BLTP2: variants seen among roughly 807,000 people sequenced by gnomAD.
BLTP2 encodes U937-associated antigen.
the BLTP2 span, chr17:28,620,471 G>A: frequency 6.2e-7 from 1 of 1,610,392 alleles, no homozygotes; most frequent in Non-Finnish European, 8.5e-7. Context: ...GGGTGTTCCT[G>A]TGAGGCTAAC....
At chr17:28,632,389 T>G in the BLTP2 span, 1 of 633,192 alleles carries the variant, frequency 1.6e-6, no homozygotes. Context: ...TCCCTCTTCT[T>G]TCAAGGATCT....
the BLTP2 span, chr17:28,628,554 G>A: frequency 1.2e-6 from 2 of 1,612,762 alleles, no homozygotes; most frequent in South Asian, 1.1e-5. Flanking sequence ...CACGAGCAGA[G>A]AGCTCCTAAG....
At chr17:28,641,982 A>C in the BLTP2 span, 1 of 1,614,222 alleles carries the variant, frequency 6.2e-7, no homozygotes, top group Non-Finnish European at 8.5e-7. Flanking sequence ...TGGAGTGTCC[A>C]CACATCCACA....
At chr17:28,640,571 A>C in the BLTP2 span, 1 of 1,614,018 alleles carries the variant, frequency 6.2e-7, no homozygotes, top group South Asian at 1.1e-5. Flanking sequence ...TCTTTTGACT[A>C]TTCATGGACA....
At chr17:28,635,110 AC>A in the BLTP2 span, 1 of 1,613,756 alleles carries the variant, frequency 6.2e-7, no homozygotes, top group East Asian at 2.2e-5. Context: ...AGGAAACTCC[AC>A]CGAGACTGAG....
the BLTP2 span, chr17:28,616,320 A>G: frequency 1.2e-6 from 2 of 1,612,516 alleles, no homozygotes; most frequent in Non-Finnish European, 1.7e-6. The surrounding 1 kb of genome is among the most constrained non-coding windows in gnomAD (Gnocchi z 4.8). Flanking sequence ...ATCCCAAGCC[A>G]CACCAAACAG....
At chr17:28,645,082 G>A in the BLTP2 span, 1 of 1,558,094 alleles carries the variant, frequency 6.4e-7, no homozygotes, top group South Asian at 1.2e-5. Flanking sequence ...GCCCGGCTTG[G>A]CCCCGGCCCC....
chr17:28,642,873 T>A, the BLTP2 span: 1 of 1,571,358 alleles, frequency 6.4e-7, no homozygotes, highest in Non-Finnish European at 8.8e-7. Flanking sequence ...GCTTACCTTT[T>A]CCCATCACTA....
At chr17:28,642,409 T>C in the BLTP2 span, 1 of 1,235,378 alleles carries the variant, frequency 8.1e-7, no homozygotes, top group East Asian at 2.3e-5. Flanking sequence ...CCCAGCACTT[T>C]GGGAGGCCAA....
the BLTP2 span, chr17:28,632,172 A>G: frequency 6.2e-7 from 1 of 1,614,138 alleles, no homozygotes; most frequent in Non-Finnish European, 8.5e-7. Context: ...CACTTGTCCA[A>G]GTTGCCCAGA....
chr17:28,632,284 A>ATTC, the BLTP2 span: 2 of 1,531,898 alleles, frequency 1.3e-6, no homozygotes, highest in Admixed American at 3.7e-5. Context: ...GATGAAACAC[A>ATTC]GAGGTAAAGC....
At chr17:28,630,767 A>G in the BLTP2 span, among the ~76,000 whole-genome samples, 1,426 of 152,168 alleles carry the variant, frequency 9.4e-3, 14 homozygotes, top group Non-Finnish European at 0.015. Context: ...TACAGGCATG[A>G]GCCACCGCAC....
the BLTP2 span, chr17:28,638,105 A>G: frequency 5.0e-6 from 8 of 1,612,746 alleles, no homozygotes; most frequent in South Asian, 8.8e-5. Flanking sequence ...CTAGAGAAGA[A>G]GCAGACGGAT....
At chr17:28,620,226 G>A in the BLTP2 span, among the ~76,000 whole-genome samples, 2 of 152,196 alleles carry the variant, frequency 1.3e-5, no homozygotes, top group African/African-American at 4.8e-5. Context: ...TGGGATGGAG[G>A]TGGAAGCAGG....
chr17:28,615,289 G>A, the BLTP2 span: 5 of 1,495,902 alleles, frequency 3.3e-6, no homozygotes, highest in Non-Finnish European at 4.6e-6. Context: ...AAATATTAGT[G>A]GGCAGGCAGA....
the BLTP2 span, among the ~76,000 whole-genome samples, chr17:28,628,925 C>T: frequency 1.5e-3 from 217 of 149,554 alleles, 1 homozygote; most frequent in African/African-American, 5.2e-3. Flanking sequence ...CAGAGAGAGA[C>T]GCAGTCTCAA....
the BLTP2 span, chr17:28,620,501 A>G: frequency 1.2e-6 from 2 of 1,614,122 alleles, no homozygotes; most frequent in Non-Finnish European, 1.7e-6. Context: ...ACAAGGGCCC[A>G]TGCTCACCTT....
chr17:28,645,075 C>T, the BLTP2 span: 2 of 1,573,788 alleles, frequency 1.3e-6, no homozygotes, highest in Non-Finnish European at 1.7e-6. Context: ...GGGTCCGGCC[C>T]GGCTTGGCCC....
At chr17:28,644,917 G>T in the BLTP2 span, 1 of 1,369,900 alleles carries the variant, frequency 7.3e-7, no homozygotes, top group East Asian at 2.5e-5. Flanking sequence ...CCCCTCCTCA[G>T]TCTTTCTTCC....
Sources: gnomAD v4.1 joint callset for allele counts (sites outside exome capture counted in the v4.1 genomes callset) on GRCh38, gnomAD v4.1.1 for gene constraint, Gnocchi (gnomAD v3.1) non-coding constraint, MANE v1.5 for transcripts, NCBI Gene and HGNC (gene_info 2026-07-23, HGNC 2026-07-21) for gene names.